Variants in RTN4 observed in about 807,000 individuals in gnomAD.
The protein encoded by RTN4 is reticulon-4.
In RTN4, 32 loss-of-function variants were observed where a neutral mutation model predicts 90.4. The ratio of observed to expected loss-of-function variants is 0.35; its 90% confidence interval spans 0.27 to 0.48. The LOEUF (loss-of-function observed/expected upper bound fraction) is 0.48, where lower values mean the gene tolerates loss of function less well. Among genes scored for constraint, RTN4 ranks in the 20% least tolerant of loss-of-function variants. RTN4 has a pLI of 0.99. For missense variants in RTN4, 1,706 were observed against 1,430.2 expected (o/e 1.19, Z -3.11); for synonymous variants, 629 against 552.5 (o/e 1.14, Z -1.94).
the RTN4 span, among the ~76,000 whole-genome samples, chr2:55,125,569 C>T: frequency 2.6e-5 from 4 of 152,172 alleles, no homozygotes; most frequent in African/African-American, 7.2e-5. Flanking sequence ...AGTTCGAGAC[C>T]AGCCTGGCCA....
At chr2:55,007,023 T>A (rs950282311) in intron 3 of RTN4, among the ~76,000 whole-genome samples, 2 of 152,156 alleles carry the variant, frequency 1.3e-5, no homozygotes, top group African/African-American at 4.8e-5. Context: ...TCCGAGATGT[T>A]CTATCATCAC....
chr2:55,074,225 T>G (rs1297571001), intron 2 of RTN4, among the ~76,000 whole-genome samples: 5 of 152,120 alleles, frequency 3.3e-5, no homozygotes, highest in Non-Finnish European at 7.4e-5. Context: ...ACACTGGCCA[T>G]GCACAGTGGC....
rs554512373 is a variant in RTN4 at position 55,067,499 on chromosome 2, AC to A, written c.-63+12989del. Among the ~76,000 whole-genome samples, 630 of 149,150 alleles carry A rather than the reference AC, an allele frequency of 4.2e-3. 3 individuals are homozygous for A. The highest frequency in any genetic ancestry group is 0.012 in the African/African-American group (496 of 40,408). On this transcript the variant is annotated intron_variant, in intron 2 of 3. Transcript: ENST00000427710. ...ACGATCTCAGCTCACTACCACCTCCACCTCCCGGGTTCAAGTGATTCTTGTG... is the reference window on the plus strand; with the variant it reads ...ACGATCTCAGCTCACTACCACCTCCACTCCCGGGTTCAAGTGATTCTTGTG...
intron 1 of RTN4, among the ~76,000 whole-genome samples, chr2:55,107,472 G>T (rs1361101794): frequency 1.3e-5 from 2 of 150,538 alleles, no homozygotes; most frequent in Non-Finnish European, 3.0e-5. Flanking sequence ...CTACTTTCTT[G>T]CCCTTGCTCA....
intron 1 of RTN4, among the ~76,000 whole-genome samples, chr2:55,090,240 A>G (rs1668912698): frequency 6.6e-6 from 1 of 152,194 alleles, no homozygotes; most frequent in South Asian, 2.1e-4. Flanking sequence ...CCATAGAACT[A>G]TCCCCAAATG....
intron 1 of RTN4, among the ~76,000 whole-genome samples, chr2:55,107,256 T>C (rs1667959093): frequency 6.6e-6 from 1 of 151,870 alleles, no homozygotes; most frequent in African/African-American, 2.4e-5. Flanking sequence ...CATGTGCTTA[T>C]TTTTCTTGTA....
intron 3 of RTN4, among the ~76,000 whole-genome samples, chr2:55,007,675 C>T (rs1680328833): frequency 6.6e-6 from 1 of 152,024 alleles, no homozygotes; most frequent in African/African-American, 2.4e-5. Flanking sequence ...ATTGCCAGGC[C>T]CTACAAAATC....
chr2:55,050,030 G>A lies in RTN4; in HGVS notation c.271C>T (p.Arg91Trp). The change falls in exon 1 of 9, where the codon CGG (arginine) becomes TGG (tryptophan). Residue 91 changes from arginine to tryptophan, a missense_variant. Physicochemically the swap from Arg to Trp is moderately radical, Grantham distance 101. Coordinates refer to ENST00000337526, the MANE Select transcript of RTN4 (RefSeq NM_020532.5). The surrounding 1 kb of genome is among the most constrained non-coding windows in gnomAD (Gnocchi z 4.6). ...FGNDFVPPAP[R>W]GPLPAAPPVA... ...GGGGGAGCGGCCGGCAGGGGTCCCC[G>A]GGGCGCCGGCGGCACGAAGTCATTT... The A allele has an allele frequency of 1.4e-6, 2 of 1,396,750 alleles. No individual in the cohort carries two copies. The highest frequency in any genetic ancestry group is 3.0e-5 in the African/African-American group (2 of 66,794). 86.5% of individuals were successfully genotyped at this position (1,396,750 alleles called of 1,614,324 possible). A position where few individuals can be genotyped will look rare whatever the true frequency, so the allele number is the denominator to read the frequency against.
chr2:55,051,626 A>G (rs1016192853), upstream of RTN4, among the ~76,000 whole-genome samples: 2 of 152,320 alleles, frequency 1.3e-5, no homozygotes, highest in African/African-American at 2.4e-5. Context: ...CAAGTTGCTC[A>G]AAGTCTAAAT....
chr2:55,136,462 C>A, the RTN4 span, among the ~76,000 whole-genome samples: 3 of 152,344 alleles, frequency 2.0e-5, no homozygotes, highest in Non-Finnish European at 4.4e-5. Context: ...GCCCGCTTGG[C>A]CCTCTTCCAA....
At chr2:54,976,263 A>G (rs1573263686) in intron 5 of RTN4, among the ~76,000 whole-genome samples, 1 of 152,370 alleles carries the variant, frequency 6.6e-6, no homozygotes, top group East Asian at 1.9e-4. Context: ...CTCCAAGTCC[A>G]CAGGGGAAAA....
Position 55,026,720 on chromosome 2 carries a change from G to A in RTN4, c.1379C>T (p.Ala460Val). Reference protein sequence around the residue: ...TPEGIKDRSGAYITCAPFNPA... With the variant: ...TPEGIKDRSGVYITCAPFNPA... ...GTTAAAGGGAGCACATGTGATATAT[G>A]CTCCTGAACGATCCTTTATACCTTC... Residue 460 changes from alanine to valine, a missense_variant, in exon 3 of 9, where the codon GCA (alanine) becomes GTA (valine). Ala to Val is a moderately conservative substitution (Grantham distance 64). Coordinates refer to ENST00000337526, the MANE Select transcript of RTN4 (RefSeq NM_020532.5). The A allele has an allele frequency of 1.9e-6, 3 of 1,613,752 alleles. No individual in the cohort carries two copies. The highest frequency in any genetic ancestry group is 2.5e-6 in the Non-Finnish European group (3 of 1,179,820).
rs1345073871 is a variant in RTN4, at chr2:55,026,837, T to G, written c.1262A>C (p.Asp421Ala). 6.8e-6 allele frequency: 11 copies of G among 1,613,844 alleles called. No homozygotes were observed. The highest frequency in any genetic ancestry group is 1.1e-5 in the South Asian group (1 of 91,084). The change falls in exon 3 of 9, where the codon GAT becomes GCT. Residue 421 changes from aspartate (D) to alanine (A), a missense_variant. By Grantham distance (126) the Asp-to-Ala change is moderately radical (BLOSUM62 -2). Coordinates refer to ENST00000337526, the MANE Select transcript of RTN4 (RefSeq NM_020532.5). ...AAGGCTATCTGCAAAACATTTTTTA[T>G]CCACTTTACTTTCCAAGTTGCTCTC... ...KIESNLESKV[D>A]KKCFADSLEQ...
chr2:55,011,092 G>A (rs1680596143), intron 3 of RTN4, among the ~76,000 whole-genome samples: 1 of 152,052 alleles, frequency 6.6e-6, no homozygotes, highest in African/African-American at 2.4e-5. Context: ...GAGTGCAGTG[G>A]TGCAATCATT....
chr2:55,001,343 T>G lies in RTN4; in HGVS notation c.3014-13645A>C, dbSNP rs1679838825. 2.0e-5 allele frequency among the ~76,000 whole-genome samples: 3 copies of G among 152,200 alleles called. No homozygotes were observed. The South Asian group carries it at 6.2e-4, about 31-fold the overall frequency. On this transcript the variant is annotated intron_variant, in intron 3 of 8. Coordinates refer to ENST00000337526, the MANE Select transcript of RTN4 (RefSeq NM_020532.5). The stretch of plus-strand genomic sequence containing the variant: ...CCACATAACATGAACTAAAAGATGG[T>G]TTGTGATTTAAAAAATATGCGTCTC...
chr2:54,973,008 C>A lies in RTN4; in HGVS notation c.*148G>T, dbSNP rs907102293. 5 of 599,690 alleles carry A rather than the reference C, an allele frequency of 8.3e-6. No homozygotes were observed. The African/African-American group carries it at 9.2e-5, about 11-fold the overall frequency. The allele number at this position is 599,690 out of a possible 1,614,324, so 37.1% of individuals were successfully genotyped here. On this transcript the variant is annotated 3_prime_UTR_variant, in exon 9 of 9. Coordinates refer to ENST00000337526, the MANE Select transcript of RTN4 (RefSeq NM_020532.5). The stretch of plus-strand genomic sequence containing the variant: ...AGTCAAGACAGGTAATTTTTCCTCA[C>A]AACAGTGCATGGCTAAAAATAAAGA...
intron 3 of RTN4, among the ~76,000 whole-genome samples, chr2:55,012,982 T>A (rs1179353962): frequency 6.6e-6 from 1 of 152,160 alleles, no homozygotes; most frequent in Non-Finnish European, 1.5e-5. Context: ...ACTACCTAAC[T>A]TTTAAAAAAA....
rs780549732 is a variant in RTN4 at position 55,026,877 on chromosome 2, C to G, written c.1222G>C (p.Ala408Pro). 13 of 1,613,914 alleles carry G rather than the reference C, an allele frequency of 8.1e-6. No homozygotes were observed. In the South Asian group the frequency reaches 1.1e-4, roughly 14 times the overall value. ...AAGTTGCTCTCGATTTTACCTCCAGCAGCCAACATATCACTATCTTCCTTA... is the reference window on the plus strand; with the variant it reads ...AAGTTGCTCTCGATTTTACCTCCAGGAGCCAACATATCACTATCTTCCTTA... The part of the protein sequence containing the change: ...DSKEDSDMLA[A>P]GGKIESNLES... The change falls in exon 3 of 9, where the codon GCT becomes CCT. Residue 408 changes from alanine to proline, a missense_variant. By Grantham distance (27) the Ala-to-Pro change is conservative (BLOSUM62 -1). Transcript: ENST00000337526.
At chr2:55,067,363 TAGCAC>T (rs1668413119) in intron 2 of RTN4, among the ~76,000 whole-genome samples, 1 of 151,978 alleles carries the variant, frequency 6.6e-6, no homozygotes, top group African/African-American at 2.4e-5. Context: ...TGAAAGGGAA[TAGCAC>T]ATGTTTGCTT....
Sources: gnomAD v4.1 joint callset for allele counts (sites outside exome capture counted in the v4.1 genomes callset) on GRCh38, gnomAD v4.1.1 for gene constraint, Gnocchi (gnomAD v3.1) non-coding constraint, MANE v1.5 for transcripts, NCBI Gene and HGNC (gene_info 2026-07-23, HGNC 2026-07-21) for gene names.